Variants in OXR1 observed in about 807,000 individuals in gnomAD.
OXR1 encodes oxidation resistance 1.
Under a neutral mutation model 104.6 loss-of-function variants are expected in OXR1, and 41 were observed. That is an observed-to-expected ratio of 0.39 (90% CI 0.31 to 0.51). OXR1 has a LOEUF of 0.51. Ranked by LOEUF, OXR1 falls within the 20% of genes least tolerant of loss-of-function variation. The pLI, the probability that OXR1 is intolerant of heterozygous loss-of-function variation, is 0.77. For synonymous variants in OXR1, 348 were observed against 348.4 expected (o/e 1.00, Z 0.01); for missense variants, 955 against 1,031.9 (o/e 0.93, Z 1.02).
chr8:106,462,237 A>ATT (rs1323521761), intron 2 of OXR1, among the ~76,000 whole-genome samples: 2 of 152,160 alleles, frequency 1.3e-5, no homozygotes, highest in Non-Finnish European at 2.9e-5. Context: ...GATTTCCCAG[A>ATT]TTTATGTATT....
At chr8:106,572,763 C>A (rs1340610911) in intron 3 of OXR1, among the ~76,000 whole-genome samples, 4 of 152,206 alleles carry the variant, frequency 2.6e-5, no homozygotes, top group Non-Finnish European at 5.9e-5. Context: ...TCCTGCTATG[C>A]ATCTCAAAAT....
chr8:106,332,175 G>A (rs1411925315), intron 1 of OXR1, among the ~76,000 whole-genome samples: 1 of 151,970 alleles, frequency 6.6e-6, no homozygotes, highest in African/African-American at 2.4e-5. Flanking sequence ...ATATGAGAGA[G>A]GGTCAATGAA....
chr8:106,670,501 T>C (rs1005715486), intron 3 of OXR1, among the ~76,000 whole-genome samples: 24 of 152,298 alleles, frequency 1.6e-4, no homozygotes, highest in African/African-American at 5.5e-4. Context: ...ATTCTAGTTA[T>C]CAGATTTAAA....
Position 106,549,071 on chromosome 8 carries a change from GAA to G in OXR1, c.220+29940_220+29941del, listed in dbSNP as rs199889947. 3.4e-5 allele frequency among the ~76,000 whole-genome samples: 5 copies of G among 147,926 alleles called. No homozygotes were observed. In the East Asian group the frequency reaches 9.8e-4, roughly 29 times the overall value. ...ACCTGCCTCAAAGTCATGATCACCG[GAA>G]AAAAAAACAAAACCAGTGAAATAAA... On this transcript the variant is annotated intron_variant, in intron 3 of 16. Coordinates refer to ENST00000517566, the MANE Select transcript of OXR1 (RefSeq NM_001198533.2).
intron 9 of OXR1, 47 bp downstream of exon 9, chr8:106,707,192 G>C: frequency 1.3e-6 from 2 of 1,563,292 alleles, no homozygotes; most frequent in Non-Finnish European, 1.8e-6. Context: ...ATTGTATGGT[G>C]TCTCCGTCTT....
In OXR1 at chr8:106,359,091, CTT is replaced by C. The variant is rs1816127438; in HGVS notation, c.-138-383_-138-382del. Among the ~76,000 whole-genome samples the C allele has an allele frequency of 5.7e-5, 7 of 123,422 alleles. No individual in the cohort carries two copies. In the East Asian group the frequency reaches 9.2e-4, roughly 16 times the overall value. 81.0% of individuals were successfully genotyped at this position (123,422 alleles called of 152,430 possible). A position where few individuals can be genotyped will look rare whatever the true frequency, so the allele number is the denominator to read the frequency against. On this transcript the variant is annotated intron_variant, in intron 1 of 16. Transcript: ENST00000517566. ...TCTTTCTTTCTTTCTTTCTTTCTTT[CTT>C]TCTTTCTTTGCTATGGGCTAATCAG...
chr8:106,311,767 G>T (rs909912182), intron 1 of OXR1, among the ~76,000 whole-genome samples: 2 of 152,088 alleles, frequency 1.3e-5, no homozygotes, highest in East Asian at 3.9e-4. Flanking sequence ...TCTGATTTCT[G>T]TCAAGTGAAT....
intron 2 of OXR1, among the ~76,000 whole-genome samples, chr8:106,405,175 TATATATATATATATATATATATATATA>T (rs1207624589): frequency 0.09 from 2,840 of 31,724 alleles, 113 homozygotes; most frequent in East Asian, 0.27. Flanking sequence ...TATATATATA[TATATATATATATATATATATATATATA>T]GTGTGTGTGT....
chr8:106,709,074 T>A (rs2131386459), intron 9 of OXR1, among the ~76,000 whole-genome samples: 1 of 152,232 alleles, frequency 6.6e-6, no homozygotes, highest in Non-Finnish European at 1.5e-5. Flanking sequence ...AATTCAAAAC[T>A]AATGCATGTT....
chr8:106,496,253 C>T (rs945570520), intron 2 of OXR1, among the ~76,000 whole-genome samples: 2 of 152,028 alleles, frequency 1.3e-5, no homozygotes, highest in South Asian at 2.1e-4. Context: ...AGTTCCAATC[C>T]GAGTGTTACT....
At chr8:106,532,173 GGGCTTTGCCTAA>G (rs1158770315) in intron 3 of OXR1, among the ~76,000 whole-genome samples, 2 of 152,220 alleles carry the variant, frequency 1.3e-5, no homozygotes, top group African/African-American at 4.8e-5. Context: ...AACTTGTGAA[GGGCTTTGCCTAA>G]GGCAGTGTCT....
chr8:106,693,516 G>A (rs1309217481), intron 7 of OXR1, among the ~76,000 whole-genome samples: 1 of 139,944 alleles, frequency 7.1e-6, no homozygotes, highest in African/African-American at 2.7e-5. Context: ...TGCAACCTCT[G>A]CCTCCTGGGT....
intron 7 of OXR1, among the ~76,000 whole-genome samples, chr8:106,702,110 C>T (rs1830633747): frequency 1.3e-5 from 2 of 152,168 alleles, no homozygotes; most frequent in Admixed American, 6.5e-5. Flanking sequence ...GCTGGGATTA[C>T]AGGCACATGC....
chr8:106,677,546 A>G (rs1379268906), intron 3 of OXR1, among the ~76,000 whole-genome samples: 4 of 152,128 alleles, frequency 2.6e-5, no homozygotes, highest in African/African-American at 9.6e-5. Context: ...TAGGTGTGAA[A>G]TGATATTTCA....
At chr8:106,336,487 C>T (rs1814971362) in intron 1 of OXR1, among the ~76,000 whole-genome samples, 1 of 152,226 alleles carries the variant, frequency 6.6e-6, no homozygotes, top group African/African-American at 2.4e-5. Flanking sequence ...TTTTGCATAA[C>T]AAACCCACCA....
chr8:106,580,287 T>C (rs977079676), intron 3 of OXR1, among the ~76,000 whole-genome samples: 5 of 152,206 alleles, frequency 3.3e-5, no homozygotes, highest in Non-Finnish European at 5.9e-5. Flanking sequence ...TCTATGAATT[T>C]GACCACTTTC....
intron 2 of OXR1, among the ~76,000 whole-genome samples, chr8:106,501,336 C>A (rs1811793109): frequency 6.6e-6 from 1 of 152,078 alleles, no homozygotes; most frequent in African/African-American, 2.4e-5. Flanking sequence ...GTGAACAGAA[C>A]AGAGAGAGGG....
chr8:106,658,048 G>C (rs1319992716), intron 3 of OXR1: 2 of 1,248,596 alleles, frequency 1.6e-6, no homozygotes, highest in Non-Finnish European at 2.0e-6. Flanking sequence ...ACGGCCAACC[G>C]CCTGTTGGGG....
intron 2 of OXR1, among the ~76,000 whole-genome samples, chr8:106,384,896 G>C (rs1216266865): frequency 6.6e-6 from 1 of 151,664 alleles, no homozygotes; most frequent in African/African-American, 2.4e-5. Flanking sequence ...CATATTGTTA[G>C]TAGAGATGGG....
Sources: gnomAD v4.1 joint callset for allele counts (sites outside exome capture counted in the v4.1 genomes callset) on GRCh38, gnomAD v4.1.1 for gene constraint, MANE v1.5 for transcripts, NCBI Gene and HGNC (gene_info 2026-07-23, HGNC 2026-07-21) for gene names.